The following PDE1A variants were observed in gnomAD, a reference collection of about 807,000 sequenced individuals.
PDE1A encodes the protein phosphodiesterase 1A.
Under a neutral mutation model 61.7 loss-of-function variants are expected in PDE1A, and 35 were observed. That is an observed-to-expected ratio of 0.57 (90% CI 0.43 to 0.75). The LOEUF is 0.75. Among genes scored for constraint, PDE1A ranks in the 30% least tolerant of loss-of-function variants. PDE1A has a pLI of 0.00. For missense variants in PDE1A, 597 were observed against 630.6 expected, an observed-to-expected ratio of 0.95 and a Z score of 0.57; for synonymous variants, 232 against 213.2, an observed-to-expected ratio of 1.09 and a Z score of -0.77.
At chr2:182,332,565 T>C (rs557327044) in intron 1 of PDE1A, among the ~76,000 whole-genome samples, 9 of 152,312 alleles carry the variant, frequency 5.9e-5, no homozygotes, top group South Asian at 4.1e-4. Context: ...GTCCTTTTTG[T>C]TGATGTTGAT....
At chr2:182,672,374 G>T in the PDE1A span, among the ~76,000 whole-genome samples, 1 of 152,090 alleles carries the variant, frequency 6.6e-6, no homozygotes, top group East Asian at 1.9e-4. Context: ...CTTTTCACCA[G>T]CCCAATATTA....
chr2:182,289,530 G>T (rs1328239934), intron 1 of PDE1A, among the ~76,000 whole-genome samples: 7 of 152,000 alleles, frequency 4.6e-5, no homozygotes, highest in Non-Finnish European at 1.0e-4. Flanking sequence ...TTTTAATATT[G>T]TATCTCTCCT....
intron 2 of PDE1A, among the ~76,000 whole-genome samples, chr2:182,519,132 T>C (rs2125985026): frequency 6.6e-6 from 1 of 152,188 alleles, no homozygotes; most frequent in Admixed American, 6.5e-5. Flanking sequence ...AGACTATCAA[T>C]AGCTATGTTT....
chr2:182,532,969 A>AAAAAAC, the PDE1A span, among the ~76,000 whole-genome samples: 1 of 148,542 alleles, frequency 6.7e-6, no homozygotes, highest in African/African-American at 2.5e-5. Flanking sequence ...AAAAAAAAAA[A>AAAAAAC]AAAACAATGA....
At chr2:182,298,295 T>A (rs965127994) in intron 1 of PDE1A, among the ~76,000 whole-genome samples, 2 of 152,098 alleles carry the variant, frequency 1.3e-5, no homozygotes, top group African/African-American at 4.8e-5. Context: ...AATGACAGTA[T>A]CAGTTGAGCT....
chr2:182,209,804 C>A (rs1165852841), intron 7 of PDE1A, among the ~76,000 whole-genome samples: 1 of 152,074 alleles, frequency 6.6e-6, no homozygotes, highest in Non-Finnish European at 1.5e-5. Context: ...CCTCACCAGC[C>A]ATGCCTTCTG....
the PDE1A span, among the ~76,000 whole-genome samples, chr2:182,690,965 C>T: frequency 5.9e-5 from 9 of 152,270 alleles, no homozygotes; most frequent in African/African-American, 2.2e-4. Flanking sequence ...AGGAATCCAA[C>T]TTACAAGGGA....
the PDE1A span, among the ~76,000 whole-genome samples, chr2:182,578,673 T>C: frequency 6.6e-6 from 1 of 152,190 alleles, no homozygotes; most frequent in South Asian, 2.1e-4. Context: ...AAAAATAAGC[T>C]AGCTTTTTTA....
At chr2:182,150,995 A>G (rs989130467) in intron 13 of PDE1A, among the ~76,000 whole-genome samples, 2 of 152,232 alleles carry the variant, frequency 1.3e-5, no homozygotes, top group African/African-American at 2.4e-5. Flanking sequence ...AAATATACCA[A>G]TAATAATCAA....
intron 1 of PDE1A, among the ~76,000 whole-genome samples, chr2:182,381,076 G>T (rs960799847): frequency 2.6e-5 from 4 of 152,174 alleles, no homozygotes; most frequent in African/African-American, 9.7e-5. Flanking sequence ...TAAGCACTTA[G>T]AATCTAGAAG....
At chr2:182,632,240 A>C in the PDE1A span, among the ~76,000 whole-genome samples, 4 of 152,272 alleles carry the variant, frequency 2.6e-5, no homozygotes, top group East Asian at 7.7e-4. Context: ...TAACTGTACC[A>C]CCATTAAAAA....
At chr2:182,627,039 T>TTTA in the PDE1A span, among the ~76,000 whole-genome samples, 2 of 47,092 alleles carry the variant, frequency 4.2e-5, no homozygotes, top group Non-Finnish European at 6.7e-5. Flanking sequence ...TAAATATATA[T>TTTA]ATTATTTATA....
At chr2:182,602,605 C>T in the PDE1A span, among the ~76,000 whole-genome samples, 1 of 152,206 alleles carries the variant, frequency 6.6e-6, no homozygotes, top group African/African-American at 2.4e-5. Context: ...AAACTGTACA[C>T]TGTACTATGA....
At chr2:182,669,471 A>C in the PDE1A span, among the ~76,000 whole-genome samples, 1 of 152,156 alleles carries the variant, frequency 6.6e-6, no homozygotes, top group Non-Finnish European at 1.5e-5. Flanking sequence ...AAAAGTTGGA[A>C]GTTTGTTTTG....
chr2:182,251,193 T>G (rs2125731536), intron 2 of PDE1A, among the ~76,000 whole-genome samples: 1 of 152,326 alleles, frequency 6.6e-6, no homozygotes, highest in Middle Eastern at 3.4e-3. Context: ...GGAGTCAAAC[T>G]CCTGGCTTCA....
At chr2:182,477,780 C>G (rs1187514121) in intron 2 of PDE1A, among the ~76,000 whole-genome samples, 1 of 151,908 alleles carries the variant, frequency 6.6e-6, no homozygotes, top group African/African-American at 2.4e-5. Context: ...GTAAACGACA[C>G]ACGAACTCAC....
intron 1 of PDE1A, among the ~76,000 whole-genome samples, chr2:182,339,954 T>C (rs1019153357): frequency 5.3e-5 from 8 of 152,190 alleles, no homozygotes; most frequent in African/African-American, 1.4e-4. Flanking sequence ...TCCTACTTTA[T>C]TCTAGAGATG....
intron 1 of PDE1A, among the ~76,000 whole-genome samples, chr2:182,282,708 A>G (rs992342958): frequency 6.6e-6 from 1 of 151,902 alleles, no homozygotes; most frequent in East Asian, 1.9e-4. Context: ...TAATTTGTTT[A>G]TTTTTTTGCA....
chr2:182,585,365 C>T, the PDE1A span, among the ~76,000 whole-genome samples: 1 of 152,082 alleles, frequency 6.6e-6, no homozygotes, highest in South Asian at 2.1e-4. Flanking sequence ...TCTTCAATGT[C>T]CTCAATCAGA....
Sources: allele counts gnomAD v4.1 joint callset (sites outside exome capture counted in the v4.1 genomes callset), GRCh38; gene constraint gnomAD v4.1.1; transcripts MANE v1.5; gene names NCBI Gene and HGNC (gene_info 2026-07-23, HGNC 2026-07-21).